The following STAU2 variants were observed in gnomAD, a reference collection of about 807,000 sequenced individuals.
The protein encoded by STAU2 is staufen double-stranded RNA binding protein 2.
A neutral mutation model predicts 65.9 loss-of-function variants in STAU2; 20 were observed. The observed-to-expected ratio is 0.30, with a 90% CI of 0.21 to 0.44. STAU2 has a LOEUF of 0.44. Ranked by LOEUF, STAU2 falls within the 20% of genes least tolerant of loss-of-function variation. STAU2 has a pLI of 1.00. For missense variants in STAU2, 558 were observed against 683.9 expected, an observed-to-expected ratio of 0.82 and a Z score of 2.05; for synonymous variants, 232 against 233.9, an observed-to-expected ratio of 0.99 and a Z score of 0.07.
intron 3 of STAU2, among the ~76,000 whole-genome samples, chr8:73,732,030 G>A (rs915362695): frequency 3.3e-5 from 5 of 152,232 alleles, no homozygotes; most frequent in African/African-American, 9.6e-5. Context: ...GAACAGCTTA[G>A]ATGGGTAGTT....
chr8:73,481,508 C>CA (rs1346555942), intron 13 of STAU2, among the ~76,000 whole-genome samples: 1,738 of 77,866 alleles, frequency 0.022, 75 homozygotes, highest in African/African-American at 0.078. Flanking sequence ...GCCAAAAAAA[C>CA]AAAAAAACAA....
At chr8:73,537,270 T>A (rs1433391986) in intron 13 of STAU2, among the ~76,000 whole-genome samples, 1 of 152,134 alleles carries the variant, frequency 6.6e-6, no homozygotes, top group African/African-American at 2.4e-5. Context: ...TGATGACTTG[T>A]GTCATCAGAG....
chr8:73,712,421 G>C (rs536597983), intron 3 of STAU2, among the ~76,000 whole-genome samples: 3 of 152,128 alleles, frequency 2.0e-5, no homozygotes, highest in South Asian at 4.1e-4. Context: ...AAGTAAAATA[G>C]AGATAATAGT....
intron 6 of STAU2, among the ~76,000 whole-genome samples, chr8:73,658,151 G>A (rs1816525672): frequency 6.6e-6 from 1 of 152,000 alleles, no homozygotes; most frequent in East Asian, 1.9e-4. Context: ...ATCACCTGAG[G>A]TCAGGAGTTC....
At chr8:73,502,027 A>G (rs1821787857) in intron 13 of STAU2, among the ~76,000 whole-genome samples, 1 of 151,936 alleles carries the variant, frequency 6.6e-6, no homozygotes, top group Non-Finnish European at 1.5e-5. Flanking sequence ...CTGATATTCA[A>G]AAAACCCAGA....
intron 13 of STAU2, chr8:73,550,993 T>C: frequency 1.0e-6 from 1 of 986,284 alleles, no homozygotes; most frequent in Non-Finnish European, 1.2e-6. Context: ...TTCTAAAGGA[T>C]ATTACAGTTT....
chr8:73,595,021 T>C, intron 11 of STAU2, 145 bp downstream of exon 11: 1 of 560,968 alleles, frequency 1.8e-6, no homozygotes. Context: ...ACTCCATATG[T>C]TATTTTGTGC....
chr8:73,733,880 C>T (rs1806242729), intron 3 of STAU2, among the ~76,000 whole-genome samples: 1 of 152,106 alleles, frequency 6.6e-6, no homozygotes, highest in African/African-American at 2.4e-5. Flanking sequence ...TTAAAATCCA[C>T]ATACATCTTT....
intron 13 of STAU2, among the ~76,000 whole-genome samples, chr8:73,533,756 GT>G (rs1210289803): frequency 6.6e-6 from 1 of 152,132 alleles, no homozygotes; most frequent in African/African-American, 2.4e-5. Flanking sequence ...ATGAATGAAT[GT>G]CTTAAATTAC....
chr8:73,570,632 C>T (rs1809003585), intron 12 of STAU2, among the ~76,000 whole-genome samples: 1 of 152,034 alleles, frequency 6.6e-6, no homozygotes, highest in Non-Finnish European at 1.5e-5. Flanking sequence ...AAGAGCAACC[C>T]CAAGACACGT....
chr8:73,439,075 A>G (rs1462489981), intron 13 of STAU2: 1 of 456,422 alleles, frequency 2.2e-6, no homozygotes, highest in Admixed American at 2.3e-5. Context: ...TGGACTTCCC[A>G]GGGGGTTCTC....
chr8:73,517,988 T>C (rs1822830923), intron 13 of STAU2, among the ~76,000 whole-genome samples: 1 of 152,118 alleles, frequency 6.6e-6, no homozygotes, highest in African/African-American at 2.4e-5. Context: ...CTTATACATC[T>C]GAAATGAAAA....
chr8:73,611,469 T>C (rs1392906650), intron 9 of STAU2, among the ~76,000 whole-genome samples: 1 of 152,162 alleles, frequency 6.6e-6, no homozygotes, highest in Non-Finnish European at 1.5e-5. Flanking sequence ...AGTTCTGGGA[T>C]AATATTACTT....
At chr8:73,522,994 G>A (rs759756329) in intron 13 of STAU2, among the ~76,000 whole-genome samples, 2 of 151,862 alleles carry the variant, frequency 1.3e-5, no homozygotes, top group African/African-American at 4.8e-5. Flanking sequence ...TCAGGAGTTC[G>A]AGACCAGTCT....
intron 13 of STAU2, among the ~76,000 whole-genome samples, chr8:73,437,623 T>A (rs10957665): frequency 1.3e-5 from 2 of 151,970 alleles, no homozygotes; most frequent in Non-Finnish European, 2.9e-5. Context: ...GTCACCACAG[T>A]CATGGAAAAA....
chr8:73,478,736 T>G (rs887305514), intron 13 of STAU2, among the ~76,000 whole-genome samples: 2 of 152,088 alleles, frequency 1.3e-5, no homozygotes, highest in African/African-American at 4.8e-5. Context: ...CCTATCCTAT[T>G]TTTAAGCCTT....
chr8:73,471,546 T>G, intron 13 of STAU2, among the ~76,000 whole-genome samples: 1 of 142,644 alleles, frequency 7.0e-6, no homozygotes, highest in Non-Finnish European at 1.5e-5. Flanking sequence ...AGGCTGGGCA[T>G]GGTGGCTCAC....
At chr8:73,728,046 CT>C in intron 3 of STAU2, 1 of 151,884 alleles carries the variant, frequency 6.6e-6, no homozygotes, top group East Asian at 1.9e-4. Context: ...TTTAGTTGAG[CT>C]TTTTTTTGCT....
At chr8:73,615,857 G>T in intron 7 of STAU2, 75 bp from the exon 8 acceptor site, 1 of 1,084,376 alleles carries the variant, frequency 9.2e-7, no homozygotes, top group Non-Finnish European at 1.4e-6. Flanking sequence ...CAGTCAAGAT[G>T]GCCTATTTAA....
Sources: gnomAD v4.1 joint callset for allele counts (sites outside exome capture counted in the v4.1 genomes callset) on GRCh38, gnomAD v4.1.1 for gene constraint, MANE v1.5 for transcripts, NCBI Gene and HGNC (gene_info 2026-07-23, HGNC 2026-07-21) for gene names.